Variants in IL16 observed in about 807,000 individuals in gnomAD.
IL16 encodes the protein interleukin 16.
In IL16, 67 loss-of-function variants were observed where a neutral mutation model predicts 110.1. The observed-to-expected ratio is 0.61, with a 90% CI of 0.50 to 0.75. The LOEUF is 0.75. IL16 is among the 30% of genes least tolerant of loss of function. The pLI is 0.00. For synonymous variants in IL16, 689 were observed against 662.9 expected, an observed-to-expected ratio of 1.04 and a Z score of -0.61; for missense variants, 1,545 against 1,655.0, an observed-to-expected ratio of 0.93 and a Z score of 1.15.
intron 1 of IL16, among the ~76,000 whole-genome samples, chr15:81,198,534 T>G (rs1287760545): frequency 1.3e-5 from 2 of 152,174 alleles, no homozygotes; most frequent in East Asian, 3.9e-4. Context: ...TTCTAATTGT[T>G]TGTATTCATG....
At position 81,303,970 on chromosome 15, in the gene IL16, C is replaced by T. The variant is rs949539666; in HGVS notation, c.3420+320C>T. Among the ~76,000 whole-genome samples, 6 of 152,190 alleles carry T rather than the reference C, an allele frequency of 3.9e-5. No homozygotes were observed. Among genetic ancestry groups the T allele is most frequent in the Admixed American group, 6.5e-5 (1 of 15,276 alleles). Reference sequence around the variant, plus strand: ...CTGCCAGTTTTGTGGAGCCATGCTGCGGCTGCTCGCTCTCTAAAGCCGAGT... The same window carrying T: ...CTGCCAGTTTTGTGGAGCCATGCTGTGGCTGCTCGCTCTCTAAAGCCGAGT... On this transcript the variant is annotated intron_variant, in intron 16 of 18. Transcript: ENST00000683961. This position sits in a 1 kb window ranked among gnomAD's most constrained non-coding sequence, Gnocchi z 4.1.
intron 2 of IL16, among the ~76,000 whole-genome samples, chr15:81,257,349 A>G (rs892062832): frequency 6.6e-6 from 1 of 152,252 alleles, no homozygotes; most frequent in Admixed American, 6.5e-5. Flanking sequence ...GACAGAGTAC[A>G]CTTGATTAAC....
intron 1 of IL16, among the ~76,000 whole-genome samples, chr15:81,212,768 G>T (rs369765400): frequency 6.6e-6 from 1 of 152,040 alleles, no homozygotes; most frequent in African/African-American, 2.4e-5. Context: ...CACCATGCCC[G>T]GCCCTTCTCT....
Position 81,292,865 on chromosome 15 carries a change from C to A in IL16, c.1730C>A (p.Pro577Gln). 1.9e-6 allele frequency: 3 copies of A among 1,614,116 alleles called. No homozygotes were observed. The highest frequency in any genetic ancestry group is 1.3e-5 in the African/African-American group (1 of 75,046). Residue 577 changes from proline (P) to glutamine (Q), a missense_variant, in exon 12 of 19, where the codon CCG (proline) becomes CAG (glutamine). Pro to Gln is a moderately conservative substitution (Grantham distance 76). This residue lies in a region of IL16 where 1,185 missense variants were observed against 1,238.8 expected (regional missense o/e 0.96). Coordinates refer to ENST00000683961, the MANE Select transcript of IL16 (RefSeq NM_172217.5). The stretch of plus-strand genomic sequence containing the variant: ...CTCCCAGAGAGCCGGGACAGCCACC[C>A]GCCGCTGAGACTGAAGAAATCCTTT... ...PPLPESRDSH[P>Q]PLRLKKSFEI...
intron 16 of IL16, among the ~76,000 whole-genome samples, chr15:81,305,181 A>G (rs1364627297): frequency 6.6e-6 from 1 of 152,214 alleles, no homozygotes; most frequent in Non-Finnish European, 1.5e-5. Flanking sequence ...GAATCCCCAT[A>G]ATACCCTGCC....
intron 10 of IL16, chr15:81,290,067 A>C: frequency 3.1e-6 from 1 of 321,724 alleles, no homozygotes; most frequent in Non-Finnish European, 6.0e-6. Flanking sequence ...CTCAGACAGT[A>C]TAATAGTGAT....
At position 81,186,809 on chromosome 15, in the gene IL16, CT is replaced by C. The variant is rs919110688; in HGVS notation, c.40+3922del. Among the ~76,000 whole-genome samples, 78 of 151,454 alleles carry C rather than the reference CT, an allele frequency of 5.2e-4. No homozygotes were observed. In the East Asian group the frequency reaches 0.012, roughly 23 times the overall value. On this transcript the variant is annotated intron_variant, in intron 1 of 18. Transcript: ENST00000302987. The stretch of plus-strand genomic sequence containing the variant: ...TCCCTCTGTCCATCCATGCATCCAT[CT>C]TTTTTTTTCATTTTTTTCTTTTTTA...
At chr15:81,284,004 GAAAA>G (rs565288106) in intron 9 of IL16, among the ~76,000 whole-genome samples, 3 of 82,700 alleles carry the variant, frequency 3.6e-5, no homozygotes, top group Admixed American at 1.4e-4. Flanking sequence ...CCCTGTCTCA[GAAAA>G]AAAAAAAAAA....
intron 1 of IL16, among the ~76,000 whole-genome samples, chr15:81,190,115 C>T (rs1895476942): frequency 6.6e-6 from 1 of 152,200 alleles, no homozygotes; most frequent in Non-Finnish European, 1.5e-5. Flanking sequence ...TCAACTGCCT[C>T]CACACCCTTG....
chr15:81,215,036 A>C (rs1896376556), intron 1 of IL16, among the ~76,000 whole-genome samples: 1 of 152,122 alleles, frequency 6.6e-6, no homozygotes, highest in African/African-American at 2.4e-5. Context: ...ATTTTACTGG[A>C]TTCCCTGGAT....
chr15:81,197,175 G>A, intron 1 of IL16, 23 bp downstream of exon 1: 1 of 1,284,992 alleles, frequency 7.8e-7, no homozygotes, highest in South Asian at 1.2e-5. Flanking sequence ...CTGTCAGGCA[G>A]CTGCTCTGTC....
chr15:81,218,690 A>T (rs533369210), intron 1 of IL16, among the ~76,000 whole-genome samples: 4 of 152,318 alleles, frequency 2.6e-5, no homozygotes, highest in African/African-American at 9.6e-5. Context: ...AGTTATTAAT[A>T]GTTTGATTTT....
chr15:81,271,520 G>T (rs1321579162), intron 5 of IL16, among the ~76,000 whole-genome samples: 1 of 152,020 alleles, frequency 6.6e-6, no homozygotes, highest in Non-Finnish European at 1.5e-5. Flanking sequence ...TGGAGACGGG[G>T]GACCTGGGAG....
Position 81,300,294 on chromosome 15 carries a change from A to G in IL16, c.2968A>G (p.Ile990Val). The G allele has an allele frequency of 6.2e-7, 1 of 1,614,202 alleles. No homozygotes were observed. Among genetic ancestry groups the G allele is most frequent in the Non-Finnish European group, 8.5e-7 (1 of 1,180,034 alleles). The change falls in exon 14 of 19, where the codon ATC becomes GTC. Residue 990 changes from isoleucine (I) to valine (V), a missense_variant. By Grantham distance (29) the Ile-to-Val change is conservative. Coordinates refer to ENST00000683961, the MANE Select transcript of IL16 (RefSeq NM_172217.5). ...LDEKTSKLYS[I>V]SSQVSSAVMK... ...CGAAAAGACCAGCAAACTCTATTCT[A>G]TCAGCAGCCAAGTGTCATCGGCTGT...
chr15:81,267,548 G>T (rs1036632345), intron 4 of IL16, among the ~76,000 whole-genome samples: 2 of 151,646 alleles, frequency 1.3e-5, no homozygotes, highest in African/African-American at 2.4e-5. Context: ...GTTGGTTTAT[G>T]GGATTATGAA....
At chr15:81,200,041 A>C (rs1009727377) in intron 1 of IL16, among the ~76,000 whole-genome samples, 2 of 152,216 alleles carry the variant, frequency 1.3e-5, no homozygotes, top group Non-Finnish European at 2.9e-5. Flanking sequence ...ATGACCCACT[A>C]GTGGATTGAA....
chr15:81,292,389 C>G, intron 11 of IL16, 167 bp from the exon 12 acceptor site: 1 of 995,842 alleles, frequency 1.0e-6, no homozygotes, highest in Non-Finnish European at 1.6e-6. Context: ...ATACAGCTCG[C>G]CAGGGACCAA....
chr15:81,279,572 G>GCT lies in IL16; in HGVS notation c.881_882dup (p.Leu295SerfsTer6), dbSNP rs1341959884. 1.2e-6 allele frequency: 2 copies of GCT among 1,612,314 alleles called. No homozygotes were observed. The highest frequency in any genetic ancestry group is 1.7e-6 in the Non-Finnish European group (2 of 1,179,646). On this transcript the variant is annotated frameshift_variant, in exon 8 of 19. Coordinates refer to ENST00000683961, the MANE Select transcript of IL16 (RefSeq NM_172217.5). LOFTEE classifies it high-confidence loss of function. ...CTTTCTTTCAGCAAGCCAAAAAGGG[G>GCT]CTCCTCACCCTCACCGTGAGAACCC...
intron 9 of IL16, 147 bp downstream of exon 9, chr15:81,282,903 C>G (rs1227765429): frequency 2.7e-6 from 2 of 742,354 alleles, no homozygotes; most frequent in South Asian, 1.5e-5. Flanking sequence ...AGGACACCCC[C>G]TGTTGTGGGC....
Sources: gnomAD v4.1 joint callset for allele counts (sites outside exome capture counted in the v4.1 genomes callset) on GRCh38, gnomAD v4.1.1 for gene constraint, gnomAD v4.1.1 regional missense constraint, Gnocchi (gnomAD v3.1) non-coding constraint, MANE v1.5 for transcripts, NCBI Gene and HGNC (gene_info 2026-07-23, HGNC 2026-07-21) for gene names.